The following HMCN1 variants were observed in gnomAD, a reference collection of about 807,000 sequenced individuals.
HMCN1 encodes hemicentin 1.
HMCN1 carries 321 observed loss-of-function variants against 625.9 expected under a neutral mutation model. The ratio of observed to expected loss-of-function variants is 0.51; its 90% CI spans 0.47 to 0.56. The LOEUF (loss-of-function observed/expected upper bound fraction) is 0.56. Among genes scored for constraint, HMCN1 ranks in the 20% least tolerant of loss-of-function variants. The pLI is 0.00. For missense variants in HMCN1, 6,588 were observed against 6,887.3 expected (o/e 0.96, Z 1.54); for synonymous variants, 2,425 against 2,417.6 (o/e 1.00, Z -0.09).
rs757410629 is a variant in HMCN1, at chr1:186,123,213, C to T, written c.12492C>T (p.Thr4164=). 2.5e-6 allele frequency: 4 copies of T among 1,613,456 alleles called. No homozygotes were observed. The South Asian group carries it at 4.4e-5, about 18-fold the overall frequency. The change falls in exon 81 of 107, where the codon ACC becomes ACT. Residue 4164 remains threonine, a synonymous_variant. Transcript: ENST00000271588. ...CAAGCAGCACAAGCACCAAGCTCAC[C>T]GTCCATGGTAGGTTGTTTAACATGA... ...AGSSSTSTKL[T]VHVPPRIRST...
At chr1:186,023,575 T>G (rs1158644085) in intron 36 of HMCN1, among the ~76,000 whole-genome samples, 5 of 152,122 alleles carry the variant, frequency 3.3e-5, no homozygotes, top group Non-Finnish European at 7.4e-5. Flanking sequence ...TGTGCTGTAA[T>G]AAAAAGTCTG....
chr1:186,165,819 T>C (rs562947561), intron 98 of HMCN1, among the ~76,000 whole-genome samples: 1 of 152,232 alleles, frequency 6.6e-6, no homozygotes, highest in South Asian at 2.1e-4. Context: ...ATGTAACTTC[T>C]TTTTTCCTCA....
chr1:186,010,388 TA>T (rs1653922974), intron 30 of HMCN1, among the ~76,000 whole-genome samples: 2 of 152,230 alleles, frequency 1.3e-5, no homozygotes, highest in Non-Finnish European at 2.9e-5. Flanking sequence ...TTGTCAAATT[TA>T]AGCAGTGGAT....
In HMCN1 at chr1:186,067,827, T is replaced by G; in HGVS notation, c.7706-7T>G. On this transcript the variant is annotated splice_polypyrimidine_tract_variant and splice_region_variant and intron_variant, in intron 49 of 106. Coordinates refer to ENST00000271588, the MANE Select transcript of HMCN1 (RefSeq NM_031935.3). ...ATATTTCTTCAACAAATTTTCATCT[T>G]TTTCAGTATCTCCTACAATTGCTGG... The G allele has an allele frequency of 6.2e-7, 1 of 1,602,868 alleles. No individual in the cohort carries two copies. The highest frequency in any genetic ancestry group is 8.5e-7 in the Non-Finnish European group (1 of 1,169,952).
intron 1 of HMCN1, among the ~76,000 whole-genome samples, chr1:185,762,052 G>T (rs1655545836): frequency 6.6e-6 from 1 of 152,086 alleles, no homozygotes; most frequent in African/African-American, 2.4e-5. Context: ...GGAAGAAAAA[G>T]AATTTCCGTG....
chr1:186,152,435 A>G (rs1650732943), intron 95 of HMCN1, among the ~76,000 whole-genome samples: 1 of 152,222 alleles, frequency 6.6e-6, no homozygotes, highest in African/African-American at 2.4e-5. Flanking sequence ...CTGTGGCCAG[A>G]CTAGTGGTTT....
intron 1 of HMCN1, among the ~76,000 whole-genome samples, chr1:185,782,259 C>T (rs572558148): frequency 1.5e-4 from 23 of 152,258 alleles, no homozygotes; most frequent in African/African-American, 4.3e-4. Context: ...TGAGATGGGT[C>T]TCCTGAATAC....
At chr1:185,803,143 A>T (rs1658909769) in intron 1 of HMCN1, among the ~76,000 whole-genome samples, 1 of 150,962 alleles carries the variant, frequency 6.6e-6, no homozygotes, top group African/African-American at 2.4e-5. Flanking sequence ...TCACAGAAGA[A>T]AAAGTATCTT....
chr1:186,012,422 T>C (rs1654062738), intron 30 of HMCN1, among the ~76,000 whole-genome samples: 2 of 151,976 alleles, frequency 1.3e-5, no homozygotes, highest in African/African-American at 4.8e-5. Flanking sequence ...GTACTTTCAT[T>C]GGTTCCTCAA....
intron 85 of HMCN1, among the ~76,000 whole-genome samples, chr1:186,131,899 T>G (rs1475900619): frequency 1.3e-5 from 2 of 152,194 alleles, no homozygotes; most frequent in Non-Finnish European, 2.9e-5. Flanking sequence ...CTGAATGTAG[T>G]TTTAATAATC....
At chr1:185,911,580 T>G in intron 5 of HMCN1, 94 bp from the exon 6 acceptor site, 1 of 940,790 alleles carries the variant, frequency 1.1e-6, no homozygotes, top group South Asian at 1.3e-5. Context: ...ATTTGAAATT[T>G]GATCATGCTC....
chr1:186,018,996 C>T (rs12122659), intron 34 of HMCN1, among the ~76,000 whole-genome samples: 14,846 of 152,108 alleles, frequency 0.098, 968 homozygotes, highest in Middle Eastern at 0.18. Flanking sequence ...CAACTTTATT[C>T]TCCCTCTGTC....
chr1:185,988,080 G>A (rs926082456), intron 20 of HMCN1, among the ~76,000 whole-genome samples: 3 of 152,170 alleles, frequency 2.0e-5, no homozygotes, highest in African/African-American at 7.2e-5. Flanking sequence ...TACCATTCAA[G>A]TCTCAAGTAG....
At chr1:186,038,485 T>A (rs1655985502) in intron 37 of HMCN1, among the ~76,000 whole-genome samples, 1 of 152,194 alleles carries the variant, frequency 6.6e-6, no homozygotes, top group Non-Finnish European at 1.5e-5. Flanking sequence ...GTGGATGGTA[T>A]TTGGTTTGAT....
At chr1:185,960,047 A>G (rs1649897634) in intron 11 of HMCN1, among the ~76,000 whole-genome samples, 1 of 152,034 alleles carries the variant, frequency 6.6e-6, no homozygotes, top group Non-Finnish European at 1.5e-5. Context: ...ATTTTCATTC[A>G]ACTGTTATTT....
rs1301426989 is a variant in HMCN1, at chr1:186,045,708, G to A, written c.6325G>A (p.Glu2109Lys). The A allele has an allele frequency of 6.2e-7, 1 of 1,613,172 alleles. No individual in the cohort carries two copies. Among genetic ancestry groups the A allele is most frequent in the African/African-American group, 1.3e-5 (1 of 74,864 alleles). The change falls in exon 41 of 107, where the codon GAA becomes AAA. Residue 2109 changes from glutamate (E) to lysine (K), a missense_variant. Glu to Lys is a moderately conservative substitution (Grantham distance 56, BLOSUM62 1). Coordinates refer to ENST00000271588, the MANE Select transcript of HMCN1 (RefSeq NM_031935.3). The part of the protein sequence containing the change: ...RVYVPPNIMG[E>K]EQNVSVLISQ... ...TGTAGTTCCGCCAAATATTATGGGA[G>A]AAGAACAGAATGTCTCTGTCCTCAT...
intron 1 of HMCN1, among the ~76,000 whole-genome samples, chr1:185,751,823 A>G (rs548822752): frequency 4.1e-4 from 62 of 151,442 alleles, no homozygotes; most frequent in African/African-American, 1.4e-3. Flanking sequence ...CAGAAGTTTC[A>G]TTTGGTTCCT....
chr1:185,972,312 G>C (rs1212763921), intron 15 of HMCN1, among the ~76,000 whole-genome samples: 5 of 152,084 alleles, frequency 3.3e-5, no homozygotes. Flanking sequence ...TGCCTTCTTG[G>C]TAATCCCTTT....
In HMCN1 at chr1:186,130,105, G is replaced by A. The variant is rs752766821; in HGVS notation, c.13039+5G>A. On this transcript the variant is annotated splice_donor_5th_base_variant and intron_variant, in intron 84 of 106. Transcript: ENST00000271588. ...TTGGATTTGTTTATGTGAAAGGTAG[G>A]GAAAAGCGCTCCATTTTTAATTTAT... 1.3e-5 allele frequency: 21 copies of A among 1,612,824 alleles called. No homozygotes were observed. In the East Asian group the frequency reaches 3.6e-4, roughly 27 times the overall value.
Sources: gnomAD v4.1 joint callset for allele counts (sites outside exome capture counted in the v4.1 genomes callset) on GRCh38, gnomAD v4.1.1 for gene constraint, MANE v1.5 for transcripts, NCBI Gene and HGNC (gene_info 2026-07-23, HGNC 2026-07-21) for gene names.